Variants in EXOC6B observed in about 807,000 individuals in gnomAD.
The protein encoded by EXOC6B is SEC15 homolog B.
Under a neutral mutation model 113.5 loss-of-function variants are expected in EXOC6B, and 54 were observed. That is an observed-to-expected ratio of 0.48 (90% confidence interval 0.38 to 0.60). The LOEUF is 0.60. EXOC6B is among the 20% of genes least tolerant of loss of function. The pLI is 0.00. For synonymous variants in EXOC6B, 357 were observed against 339.0 expected, an observed-to-expected ratio of 1.05 and a Z score of -0.58; for missense variants, 797 against 977.5, an observed-to-expected ratio of 0.82 and a Z score of 2.46.
intron 1 of EXOC6B, among the ~76,000 whole-genome samples, chr2:72,792,989 A>G (rs996580060): frequency 6.6e-6 from 1 of 152,186 alleles, no homozygotes; most frequent in Non-Finnish European, 1.5e-5. Context: ...ATAAGTAAGG[A>G]GCTCAATCCA....
At chr2:72,582,708 A>G (rs1705302588) in intron 6 of EXOC6B, among the ~76,000 whole-genome samples, 1 of 152,120 alleles carries the variant, frequency 6.6e-6, no homozygotes. Flanking sequence ...TTCTGGCACC[A>G]TGAAAAATCT....
intron 6 of EXOC6B, among the ~76,000 whole-genome samples, chr2:72,634,977 C>G (rs1231943699): frequency 6.6e-6 from 1 of 151,162 alleles, no homozygotes; most frequent in Non-Finnish European, 1.5e-5. Context: ...ATATATGGGT[C>G]AAGAAAACAT....
chr2:72,188,676 C>T (rs1401213204), intron 20 of EXOC6B, among the ~76,000 whole-genome samples: 2 of 152,212 alleles, frequency 1.3e-5, no homozygotes, highest in Admixed American at 1.3e-4. Flanking sequence ...GCCTGATTCT[C>T]CACATACAAC....
chr2:72,248,057 G>T (rs987475092), intron 20 of EXOC6B, among the ~76,000 whole-genome samples: 1 of 152,104 alleles, frequency 6.6e-6, no homozygotes, highest in African/African-American at 2.4e-5. Flanking sequence ...TATGCTCTGG[G>T]ATATTGGTTT....
intron 8 of EXOC6B, among the ~76,000 whole-genome samples, chr2:72,538,294 G>C (rs1331167146): frequency 1.3e-5 from 2 of 152,020 alleles, no homozygotes; most frequent in Non-Finnish European, 2.9e-5. Context: ...GGGATAAAAT[G>C]CTAAGGGTTC....
chr2:72,331,296 C>T (rs568817448), intron 20 of EXOC6B, among the ~76,000 whole-genome samples: 2 of 152,176 alleles, frequency 1.3e-5, no homozygotes, highest in East Asian at 1.9e-4. Flanking sequence ...GGCACTTAGA[C>T]TTTGATAAAA....
chr2:72,671,773 AAGAAAGAAAGAAAGAAAG>A (rs1675843049), intron 6 of EXOC6B, among the ~76,000 whole-genome samples: 5 of 105,016 alleles, frequency 4.8e-5, no homozygotes, highest in African/African-American at 2.2e-4. Flanking sequence ...GAAAGAAAGA[AAGAAAGAAAGAAAGAAAG>A]AAAGAAAGAA....
At chr2:72,424,800 T>C (rs1242655787) in intron 18 of EXOC6B, among the ~76,000 whole-genome samples, 1 of 152,168 alleles carries the variant, frequency 6.6e-6, no homozygotes, top group African/African-American at 2.4e-5. Context: ...AGATAATTTG[T>C]TGACTATATC....
chr2:72,560,125 T>C (rs6756070), intron 7 of EXOC6B, among the ~76,000 whole-genome samples: 1 of 151,946 alleles, frequency 6.6e-6, no homozygotes, highest in African/African-American at 2.4e-5. Context: ...TTAATGTGAA[T>C]AGTGTATGTT....
intron 7 of EXOC6B, among the ~76,000 whole-genome samples, chr2:72,562,890 T>G (rs1270362767): frequency 2.6e-5 from 4 of 152,186 alleles, no homozygotes; most frequent in African/African-American, 9.6e-5. Flanking sequence ...AATAGTATAT[T>G]CAAGATTATC....
chr2:72,715,342 TATATAG>T (rs1303045099), intron 6 of EXOC6B, among the ~76,000 whole-genome samples: 2 of 151,566 alleles, frequency 1.3e-5, no homozygotes, highest in Non-Finnish European at 2.9e-5. Context: ...CAGATATAGA[TATATAG>T]ATATAAAGAG....
chr2:72,473,265 G>A (rs182348335), intron 17 of EXOC6B, among the ~76,000 whole-genome samples: 2 of 152,108 alleles, frequency 1.3e-5, no homozygotes, highest in Admixed American at 6.5e-5. Context: ...GTTTAGTGCT[G>A]GCAGTGGGGT....
At chr2:72,486,969 A>C (rs941256740) in intron 16 of EXOC6B, among the ~76,000 whole-genome samples, 11 of 151,730 alleles carry the variant, frequency 7.2e-5, no homozygotes, top group African/African-American at 2.4e-4. Flanking sequence ...GCTGTCTTAT[A>C]TTTGCTGTCT....
chr2:72,359,623 G>A (rs1690179892), intron 19 of EXOC6B, among the ~76,000 whole-genome samples: 1 of 152,198 alleles, frequency 6.6e-6, no homozygotes, highest in Non-Finnish European at 1.5e-5. Context: ...TAGGGAATGA[G>A]TTGCCAAACA....
At chr2:72,591,887 G>A (rs567441187) in intron 6 of EXOC6B, among the ~76,000 whole-genome samples, 30 of 151,938 alleles carry the variant, frequency 2.0e-4, no homozygotes, top group African/African-American at 5.8e-4. Context: ...ATCATATCAC[G>A]AAAAAGAATA....
chr2:72,210,547 A>G (rs1680124921), intron 20 of EXOC6B, among the ~76,000 whole-genome samples: 1 of 152,192 alleles, frequency 6.6e-6, no homozygotes, highest in Non-Finnish European at 1.5e-5. Flanking sequence ...CTGACCTGCC[A>G]TCTATTTCAA....
At chr2:72,471,834 T>A (rs919205781) in intron 17 of EXOC6B, among the ~76,000 whole-genome samples, 9 of 152,222 alleles carry the variant, frequency 5.9e-5, no homozygotes, top group African/African-American at 2.2e-4. Flanking sequence ...CCTTTTCCCA[T>A]TCAGGATGGT....
In EXOC6B at chr2:72,376,474, T is replaced by C. The variant is rs141398363; in HGVS notation, c.2122+3255A>G. Among the ~76,000 whole-genome samples the C allele has an allele frequency of 4.6e-3, 698 of 152,306 alleles. 3 individuals carry two copies. The highest frequency in any genetic ancestry group is 0.016 in the African/African-American group (663 of 41,568). On this transcript the variant is annotated intron_variant, in intron 19 of 21. Transcript: ENST00000272427. ...ATTATGTACTATACCTTTTCGTCTT[T>C]GGCTGCTTTAAAATTTTTCTCTTTA...
intron 20 of EXOC6B, among the ~76,000 whole-genome samples, chr2:72,302,296 G>T (rs552464225): frequency 1.3e-5 from 2 of 152,324 alleles, no homozygotes; most frequent in Admixed American, 1.3e-4. Flanking sequence ...ATGTGGCAAT[G>T]AGAAGAATGT....
Sources: allele counts gnomAD v4.1 joint callset (sites outside exome capture counted in the v4.1 genomes callset), GRCh38; gene constraint gnomAD v4.1.1; transcripts MANE v1.5; gene names NCBI Gene and HGNC (gene_info 2026-07-23, HGNC 2026-07-21).